ASIC2: variants seen among roughly 807,000 people sequenced by gnomAD.
ASIC2 encodes acid sensing ion channel subunit 2.
A neutral mutation model predicts 57.3 loss-of-function variants in ASIC2; 25 were observed. The ratio of observed to expected loss-of-function variants is 0.44; its 90% CI spans 0.32 to 0.61. The LOEUF is 0.61. Ranked by LOEUF, ASIC2 falls within the 20% of genes least tolerant of loss-of-function variation. ASIC2 has a pLI of 0.06. For synonymous variants in ASIC2, 319 were observed against 307.5 expected, an observed-to-expected ratio of 1.04 and a Z score of -0.39; for missense variants, 641 against 738.1, an observed-to-expected ratio of 0.87 and a Z score of 1.52.
At chr17:33,488,786 C>T (rs757032584) in intron 1 of ASIC2, among the ~76,000 whole-genome samples, 2 of 152,162 alleles carry the variant, frequency 1.3e-5, no homozygotes, top group African/African-American at 2.4e-5. Flanking sequence ...TAGGCATCTC[C>T]CACCTCCACA....
At chr17:33,365,030 C>G (rs368165812) in intron 1 of ASIC2, among the ~76,000 whole-genome samples, 7 of 152,192 alleles carry the variant, frequency 4.6e-5, no homozygotes, top group African/African-American at 1.7e-4. Context: ...CTCTTTAGCA[C>G]GGATATGAGG....
intron 1 of ASIC2, among the ~76,000 whole-genome samples, chr17:33,125,138 T>C (rs1428886567): frequency 6.6e-6 from 1 of 152,200 alleles, no homozygotes; most frequent in Non-Finnish European, 1.5e-5. Context: ...TAACAGTCTG[T>C]GGCCTGGGGG....
chr17:33,744,133 A>G (rs997898764), intron 1 of ASIC2, among the ~76,000 whole-genome samples: 11 of 152,208 alleles, frequency 7.2e-5, no homozygotes, highest in Non-Finnish European at 1.0e-4. Context: ...ATTCAGAAAA[A>G]ATAACTCCTC....
chr17:34,035,207 A>C (rs375340918), intron 1 of ASIC2, among the ~76,000 whole-genome samples: 1 of 144,396 alleles, frequency 6.9e-6, no homozygotes, highest in Non-Finnish European at 1.5e-5. Flanking sequence ...ATAATGCTGC[A>C]TATCTACAAC....
At chr17:33,175,188 C>T (rs1330545670) in intron 1 of ASIC2, among the ~76,000 whole-genome samples, 10 of 152,098 alleles carry the variant, frequency 6.6e-5, no homozygotes, top group Admixed American at 6.5e-4. Flanking sequence ...CTAATGTGAC[C>T]TATTAAATTA....
intron 1 of ASIC2, among the ~76,000 whole-genome samples, chr17:33,781,112 T>C (rs891095217): frequency 9.2e-5 from 14 of 152,092 alleles, no homozygotes; most frequent in East Asian, 1.9e-4. Flanking sequence ...TGGAGGGGGA[T>C]GGGGGTGGTT....
chr17:33,662,580 G>A (rs1334298884), intron 1 of ASIC2, among the ~76,000 whole-genome samples: 13 of 151,370 alleles, frequency 8.6e-5, no homozygotes, highest in African/African-American at 1.2e-4. Flanking sequence ...CCGAGATCAT[G>A]CCACTGTACT....
intron 1 of ASIC2, among the ~76,000 whole-genome samples, chr17:33,307,993 T>C (rs1906253922): frequency 1.3e-5 from 2 of 152,220 alleles, no homozygotes; most frequent in Admixed American, 1.3e-4. Context: ...TTCTTATTCA[T>C]CTCAGTGCCA....
Position 33,326,152 on chromosome 17 carries a change from C to T in ASIC2, c.556-214085G>A, listed in dbSNP as rs566288457. Among the ~76,000 whole-genome samples, 20 of 152,248 alleles carry T rather than the reference C, an allele frequency of 1.3e-4. No individual in the cohort carries two copies. The South Asian group carries it at 3.1e-3, about 24-fold the overall frequency. On this transcript the variant is annotated intron_variant, in intron 1 of 9. Coordinates refer to the ASIC2 transcript ENST00000359872. Reference sequence around the variant, plus strand: ...TTGTATCTGTTGTGCATTCCTGCAGCATGTCACCATTTACAGAATGATTTC... The same window carrying T: ...TTGTATCTGTTGTGCATTCCTGCAGTATGTCACCATTTACAGAATGATTTC...
At chr17:33,379,896 C>T (rs1029295917) in intron 1 of ASIC2, among the ~76,000 whole-genome samples, 4 of 152,018 alleles carry the variant, frequency 2.6e-5, no homozygotes, top group African/African-American at 4.8e-5. Context: ...TATCTGGCAC[C>T]GAGTAGGAAT....
At chr17:33,141,584 A>G (rs1356956081) in intron 1 of ASIC2, among the ~76,000 whole-genome samples, 1 of 152,170 alleles carries the variant, frequency 6.6e-6, no homozygotes, top group African/African-American at 2.4e-5. Flanking sequence ...TGACCCAAAC[A>G]CTTTGGTGTT....
In ASIC2 at chr17:33,933,443, T is replaced by G. The variant is rs956227458; in HGVS notation, c.555+222535A>C. Among the ~76,000 whole-genome samples the G allele has an allele frequency of 1.5e-4, 23 of 152,146 alleles. 1 individual carries two copies. The highest frequency in any genetic ancestry group is 5.3e-4 in the African/African-American group (22 of 41,436). On this transcript the variant is annotated intron_variant, in intron 1 of 9. Transcript: ENST00000359872. ...AATGCTTGTTCAATGAACACAAACATCAATGCTGCAAGGCCAATGAGATTC... is the reference window on the plus strand; with the variant it reads ...AATGCTTGTTCAATGAACACAAACAGCAATGCTGCAAGGCCAATGAGATTC...
intron 1 of ASIC2, among the ~76,000 whole-genome samples, chr17:33,328,673 C>T (rs1907178290): frequency 6.6e-6 from 1 of 152,194 alleles, no homozygotes; most frequent in Non-Finnish European, 1.5e-5. Context: ...CTCTCATCCA[C>T]TCTCTTTTGC....
intron 1 of ASIC2, among the ~76,000 whole-genome samples, chr17:34,102,633 G>A (rs1910907124): frequency 6.6e-6 from 1 of 152,092 alleles, no homozygotes; most frequent in Admixed American, 6.5e-5. Flanking sequence ...ATTTACCCAT[G>A]TTATTCCATG....
At chr17:33,798,786 T>C (rs923150745) in intron 1 of ASIC2, among the ~76,000 whole-genome samples, 4 of 152,180 alleles carry the variant, frequency 2.6e-5, no homozygotes, top group Non-Finnish European at 5.9e-5. Flanking sequence ...TGCAAATCAA[T>C]GATGACTCTT....
chr17:34,155,170 G>GA (rs1004934948), intron 1 of ASIC2, among the ~76,000 whole-genome samples: 13 of 152,002 alleles, frequency 8.6e-5, no homozygotes, highest in Non-Finnish European at 1.9e-4. Flanking sequence ...TATACAGAGA[G>GA]AAAACCGAGC....
chr17:33,348,248 G>A (rs186074766), intron 1 of ASIC2, among the ~76,000 whole-genome samples: 1 of 152,138 alleles, frequency 6.6e-6, no homozygotes, highest in South Asian at 2.1e-4. Context: ...GGTGAAGGGG[G>A]CTTTGATCCA....
intron 1 of ASIC2, among the ~76,000 whole-genome samples, chr17:33,762,082 C>T (rs889898978): frequency 6.6e-6 from 1 of 152,142 alleles, no homozygotes; most frequent in Non-Finnish European, 1.5e-5. Context: ...GCCATTTGAT[C>T]TTGCAAATGC....
At chr17:33,075,268 C>A (rs552405660) in intron 3 of ASIC2, among the ~76,000 whole-genome samples, 19 of 152,294 alleles carry the variant, frequency 1.2e-4, no homozygotes, top group Admixed American at 8.5e-4. Flanking sequence ...GTAAGACATG[C>A]CTTTTACCTT....
Sources: allele counts gnomAD v4.1 joint callset (sites outside exome capture counted in the v4.1 genomes callset), GRCh38; gene constraint gnomAD v4.1.1; transcripts MANE v1.5; gene names NCBI Gene and HGNC (gene_info 2026-07-23, HGNC 2026-07-21).